The following BICC1 variants were observed in gnomAD, a reference collection of about 807,000 sequenced individuals.
BICC1 encodes BicC family RNA binding protein 1, also known as protein bicaudal C homolog 1.
Under a neutral mutation model 111.0 loss-of-function variants are expected in BICC1, and 43 were observed. The observed-to-expected ratio is 0.39, with a 90% confidence interval of 0.30 to 0.50. The LOEUF is 0.50. Ranked by LOEUF, BICC1 falls within the 20% of genes least tolerant of loss-of-function variation. BICC1 has a pLI of 0.88. For missense variants in BICC1, 1,091 were observed against 1,203.2 expected (o/e 0.91, Z 1.38); for synonymous variants, 467 against 434.4 (o/e 1.07, Z -0.93).
chr10:58,739,542 A>ATT (rs58011530), intron 3 of BICC1, among the ~76,000 whole-genome samples: 34 of 150,086 alleles, frequency 2.3e-4, no homozygotes, highest in Admixed American at 8.6e-4. Context: ...CTTTAGTTTA[A>ATT]TTTTTTTTTT....
intron 11 of BICC1, among the ~76,000 whole-genome samples, 181 bp from the exon 12 acceptor site, chr10:58,798,875 T>C (rs186368816): frequency 6.6e-6 from 1 of 152,308 alleles, no homozygotes; most frequent in East Asian, 1.9e-4. Context: ...CTCTATGATA[T>C]TGTCCGATTT....
At chr10:58,738,363 G>T (rs1841543699) in intron 3 of BICC1, among the ~76,000 whole-genome samples, 1 of 151,370 alleles carries the variant, frequency 6.6e-6, no homozygotes, top group African/African-American at 2.4e-5. Context: ...CCCATTTCTT[G>T]TTTTTGTCAG....
chr10:58,564,917 A>G (rs1157369245), intron 1 of BICC1, among the ~76,000 whole-genome samples: 1 of 152,206 alleles, frequency 6.6e-6, no homozygotes, highest in Non-Finnish European at 1.5e-5. Context: ...TATTGGTATT[A>G]AAGAGGAATA....
chr10:58,540,027 C>A (rs1021410477), intron 1 of BICC1, among the ~76,000 whole-genome samples: 1 of 151,828 alleles, frequency 6.6e-6, no homozygotes. Context: ...CTTGAATAAT[C>A]AGTGGATCAA....
intron 3 of BICC1, among the ~76,000 whole-genome samples, chr10:58,709,164 T>G (rs1290109370): frequency 6.6e-6 from 1 of 152,192 alleles, no homozygotes; most frequent in Non-Finnish European, 1.5e-5. Flanking sequence ...ATTCTTCCAA[T>G]CTAGATCTTA....
chr10:58,603,799 A>G (rs1409178044), intron 1 of BICC1, among the ~76,000 whole-genome samples: 2 of 152,182 alleles, frequency 1.3e-5, no homozygotes, highest in Non-Finnish European at 2.9e-5. Context: ...TGGGAGGCCA[A>G]TAACATTCTG....
chr10:58,793,387 C>A (rs1843240488), intron 8 of BICC1, 97 bp from the exon 9 acceptor site: 3 of 1,154,626 alleles, frequency 2.6e-6, no homozygotes, highest in South Asian at 3.1e-5. Context: ...GTCTTTAAAT[C>A]TGTAAAATAG....
rs544298900 is a variant in BICC1, at chr10:58,550,765, C to G, written c.190+37432C>G. Among the ~76,000 whole-genome samples the G allele has an allele frequency of 2.6e-5, 4 of 152,170 alleles. No homozygotes were observed. In the East Asian group the frequency reaches 7.7e-4, roughly 29 times the overall value. ...TTGACTACATTGTATGGGTTGATTT[C>G]TGGGGTCTGTGTCTTGTTCCATTGA... On this transcript the variant is annotated intron_variant, in intron 1 of 20. Transcript: ENST00000373886.
chr10:58,712,125 G>C (rs1195681633), intron 3 of BICC1, among the ~76,000 whole-genome samples: 3 of 152,146 alleles, frequency 2.0e-5, no homozygotes, highest in East Asian at 1.9e-4. Context: ...TGTACCATTA[G>C]AGTTGCAAAT....
intron 1 of BICC1, among the ~76,000 whole-genome samples, chr10:58,592,714 GAAAA>G (rs746433317): frequency 7.7e-6 from 1 of 130,572 alleles, no homozygotes; most frequent in African/African-American, 2.8e-5. Context: ...GACTCCGTGT[GAAAA>G]AAAAAAAAAA....
chr10:58,533,148 T>G (rs1842725775), intron 1 of BICC1, among the ~76,000 whole-genome samples: 1 of 151,910 alleles, frequency 6.6e-6, no homozygotes, highest in South Asian at 2.1e-4. Flanking sequence ...CTGGGAAAGC[T>G]TCATCAGCGA....
At chr10:58,514,205 C>A (rs1349470354) in intron 1 of BICC1, among the ~76,000 whole-genome samples, 1 of 152,168 alleles carries the variant, frequency 6.6e-6, no homozygotes, top group Non-Finnish European at 1.5e-5. Context: ...TAATTACTAG[C>A]CTACCTGTAG....
rs142273760 is a variant in BICC1, at chr10:58,735,517, G to T, written c.307+33374G>T. Among the ~76,000 whole-genome samples the T allele has an allele frequency of 9.2e-3, 1,397 of 151,670 alleles. 25 individuals carry two copies. The highest frequency in any genetic ancestry group is 0.032 in the African/African-American group (1,300 of 40,978). On this transcript the variant is annotated intron_variant, in intron 3 of 20. Coordinates refer to ENST00000373886, the MANE Select transcript of BICC1 (RefSeq NM_001080512.3). ...AATGTGTTAATTGAGAAAGGAAAAA[G>T]AATACAAAATAAACATTTTTAAGTA... is the stretch of plus-strand genomic sequence containing the variant.
At chr10:58,716,248 A>G in intron 3 of BICC1, 2 of 1,495,718 alleles carry the variant, frequency 1.3e-6, no homozygotes, top group Non-Finnish European at 1.8e-6. Context: ...GAAACACAGT[A>G]AGAAGAAAAG....
Position 58,556,123 on chromosome 10 carries a change from G to A in BICC1, c.190+42790G>A, listed in dbSNP as rs1053345295. On this transcript the variant is annotated intron_variant, in intron 1 of 20. Coordinates refer to ENST00000373886, the MANE Select transcript of BICC1 (RefSeq NM_001080512.3). ...CAAATTATTAACTTAGGGTGATTGC[G>A]AAAGTTATACCTCCTAGGTTGAGTT... Among the ~76,000 whole-genome samples the A allele has an allele frequency of 7.2e-5, 11 of 152,126 alleles. No individual in the cohort carries two copies. The East Asian group carries it at 7.7e-4, about 11-fold the overall frequency.
chr10:58,518,977 T>C (rs953841530), intron 1 of BICC1, among the ~76,000 whole-genome samples: 1 of 152,296 alleles, frequency 6.6e-6, no homozygotes, highest in South Asian at 2.1e-4. Flanking sequence ...CCAATGACTT[T>C]TACAGGCAAG....
chr10:58,715,804 G>A lies in BICC1; in HGVS notation c.307+13661G>A. On this transcript the variant is annotated intron_variant, in intron 3 of 20. Transcript: ENST00000373886. ...CACAGGGAGAAATTGTTAACTGCAA[G>A]TGAGAGCTCATCCAAAAAAAAGACA... 2.2e-6 allele frequency: 3 copies of A among 1,348,784 alleles called. No homozygotes were observed. In the South Asian group the frequency reaches 3.7e-5, roughly 17 times the overall value. The allele number at this position is 1,348,784 out of a possible 1,614,324, so 83.6% of individuals were successfully genotyped here.
At chr10:58,796,227 G>T in intron 9 of BICC1, 113 bp from the exon 10 acceptor site, 2 of 857,054 alleles carry the variant, frequency 2.3e-6, no homozygotes, top group Admixed American at 2.6e-5. Flanking sequence ...GCATTGATAT[G>T]TCCCCTGAGT....
At chr10:58,788,899 A>T (rs1027121429) in intron 6 of BICC1, among the ~76,000 whole-genome samples, 3 of 152,180 alleles carry the variant, frequency 2.0e-5, no homozygotes, top group Admixed American at 1.3e-4. Context: ...CAGCCTGGAC[A>T]ACATAGCAAG....
Sources: allele counts gnomAD v4.1 joint callset (sites outside exome capture counted in the v4.1 genomes callset), GRCh38; gene constraint gnomAD v4.1.1; transcripts MANE v1.5; gene names NCBI Gene and HGNC (gene_info 2026-07-23, HGNC 2026-07-21).